EXOSC3: variants seen among roughly 807,000 people sequenced by gnomAD.
EXOSC3 encodes exosome component 3.
Under a neutral mutation model 25.1 loss-of-function variants are expected in EXOSC3, and 18 were observed. The observed-to-expected ratio is 0.72, with a 90% CI of 0.50 to 1.06. The LOEUF (loss-of-function observed/expected upper bound fraction) is 1.06, where lower values mean the gene tolerates loss of function less well. EXOSC3 is among the 50% of genes least tolerant of loss of function. The pLI is 0.00. For synonymous variants in EXOSC3, 165 were observed against 132.2 expected (o/e 1.25, Z -1.70); for missense variants, 382 against 350.9 (o/e 1.09, Z -0.71).
rs1220738136 is a variant in EXOSC3 at position 37,784,968 on chromosome 9, T to C, written c.77A>G (p.Gln26Arg). The C allele has an allele frequency of 1.9e-6, 3 of 1,613,142 alleles. No individual in the cohort carries two copies. Among genetic ancestry groups the C allele is most frequent in the Admixed American group, 1.7e-5 (1 of 59,992 alleles). Reference protein sequence around the residue: ...RARAARTVLGQVVLPGEELLL... With the variant: ...RARAARTVLGRVVLPGEELLL... ...CAGCTCCTCACCCGGGAGCACCACC[T>C]GACCTAGTACTGTGCGTGCAGCGCG... Residue 26 changes from glutamine to arginine, a missense_variant, in exon 1 of 4, where the codon CAG (glutamine) becomes CGG (arginine). Gln to Arg is a conservative substitution (Grantham distance 43). Coordinates refer to ENST00000327304, the MANE Select transcript of EXOSC3 (RefSeq NM_016042.4).
chr9:37,783,823 C>T (rs1828643338), intron 2 of EXOSC3, 91 bp downstream of exon 2: 4 of 1,423,036 alleles, frequency 2.8e-6, no homozygotes, highest in South Asian at 1.4e-5. Flanking sequence ...CTAGGTCATG[C>T]TTTGGAGACA....
At chr9:37,784,207 C>T (rs778399302) in intron 1 of EXOSC3, 144 bp from the exon 2 acceptor site, 2 of 892,008 alleles carry the variant, frequency 2.2e-6, no homozygotes, top group Non-Finnish European at 1.6e-6. Context: ...AAAATCACTT[C>T]ATAAAGTGCC....
At chr9:37,784,571 G>A in intron 1 of EXOSC3, 150 bp downstream of exon 1, 5 of 854,050 alleles carry the variant, frequency 5.9e-6, no homozygotes, top group Non-Finnish European at 8.8e-6. Context: ...TCCCTCTAAA[G>A]GACATGCAGA....
At position 37,785,024 on chromosome 9, in the gene EXOSC3, G is replaced by T. The variant is rs748194453; in HGVS notation, c.21C>A (p.Val7=). 5 of 1,600,564 alleles carry T rather than the reference G, an allele frequency of 3.1e-6. No individual in the cohort carries two copies. The South Asian group carries it at 3.3e-5, about 11-fold the overall frequency. Residue 7 remains valine, a synonymous_variant, in exon 1 of 4, where the codon GTC becomes GTA. Transcript: ENST00000327304. ...TGCTGCCCGCGAGAGATTCAGCCGC[G>T]ACAGACGCAGGTTCGGCCATCGCGG... The part of the protein sequence containing the change: MAEPAS[V]AAESLAGSRA...
At chr9:37,781,725 A>T (rs76964682) in intron 3 of EXOSC3, 5 of 380,512 alleles carry the variant, frequency 1.3e-5, no homozygotes, top group Non-Finnish European at 2.3e-5. Flanking sequence ...CTGGGAAGGA[A>T]GATATGAATA....
intron 3 of EXOSC3, among the ~76,000 whole-genome samples, chr9:37,781,606 G>GA (rs1194118698): frequency 6.6e-6 from 1 of 151,924 alleles, no homozygotes; most frequent in Non-Finnish European, 1.5e-5. Flanking sequence ...CCCATAATTA[G>GA]AAAAAATTGA....
chr9:37,781,121 A>G lies in EXOSC3; in HGVS notation c.627-241T>C, dbSNP rs73649213. On this transcript the variant is annotated intron_variant, in intron 3 of 3. Transcript: ENST00000327304. The stretch of plus-strand genomic sequence containing the variant: ...AGAAATCAAACTCCCTAGGTTACCA[A>G]CTTTGTAAAAGTCATTCCCCTAGAT... Among the ~76,000 whole-genome samples the G allele has an allele frequency of 0.026, 3,977 of 152,210 alleles. 184 individuals carry two copies. The highest frequency in any genetic ancestry group is 0.091 in the African/African-American group (3,790 of 41,508).
rs1200553521 is a variant in EXOSC3 at position 37,782,121 on chromosome 9, T to C, written c.491A>G (p.Tyr164Cys). 6 of 1,613,878 alleles carry C rather than the reference T, an allele frequency of 3.7e-6. No individual in the cohort carries two copies. Among genetic ancestry groups the C allele is most frequent in the East Asian group, 2.2e-5 (1 of 44,886 alleles). Residue 164 changes from tyrosine (Y) to cysteine (C), a missense_variant, in exon 3 of 4, where the codon TAT (tyrosine) becomes TGT (cysteine). Physicochemically the swap from Tyr to Cys is radical, Grantham distance 194. Coordinates refer to ENST00000327304, the MANE Select transcript of EXOSC3 (RefSeq NM_016042.4). ...RPNVQVGDLIYGQFVVANKDM... is the reference protein window; with the variant it reads ...RPNVQVGDLICGQFVVANKDM... ...TTTATTAGCAACCACAAACTGGCCA[T>C]AGATGAGATCTCCAACCTACAATGA... is the stretch of plus-strand genomic sequence containing the variant.
intron 2 of EXOSC3, among the ~76,000 whole-genome samples, chr9:37,783,594 A>G (rs933941812): frequency 1.3e-5 from 2 of 152,216 alleles, no homozygotes; most frequent in African/African-American, 2.4e-5. Context: ...CTAAGCCTAC[A>G]GCAGACATCC....
chr9:37,780,515 TC>T lies in EXOSC3; in HGVS notation c.*163del, dbSNP rs1828560878. On this transcript the variant is annotated 3_prime_UTR_variant, in exon 4 of 4. Transcript: ENST00000327304. ...AAAATGATTTTGCAATGATTTTCTC[TC>T]CCACAAAAGCGTGGGTGAAAACCAG... 1.5e-5 allele frequency: 9 copies of T among 610,920 alleles called. No homozygotes were observed. The South Asian group carries it at 1.5e-4, about 10-fold the overall frequency. 37.8% of individuals were successfully genotyped at this position (610,920 alleles called of 1,614,324 possible). A position where few individuals can be genotyped will look rare whatever the true frequency, so the allele number is the denominator to read the frequency against.
intron 3 of EXOSC3, 85 bp from the exon 4 acceptor site, chr9:37,780,965 G>T: frequency 1.7e-6 from 2 of 1,186,644 alleles, no homozygotes; most frequent in East Asian, 2.5e-5. Flanking sequence ...TTCCTTTTCT[G>T]AGCAGTTCTC....
intron 2 of EXOSC3, among the ~76,000 whole-genome samples, chr9:37,783,469 A>C (rs185079062): frequency 6.6e-6 from 1 of 152,332 alleles, no homozygotes; most frequent in Non-Finnish European, 1.5e-5. Context: ...ATGCTACCTG[A>C]AAAGCTCAAA....
At chr9:37,781,606 G>A (rs1456115730) in intron 3 of EXOSC3, among the ~76,000 whole-genome samples, 1 of 151,924 alleles carries the variant, frequency 6.6e-6, no homozygotes, top group East Asian at 1.9e-4. Flanking sequence ...CCCATAATTA[G>A]AAAAAATTGA....
In EXOSC3 at chr9:37,780,616, A is replaced by C. The variant is rs753180747; in HGVS notation, c.*63T>G. Reference sequence around the variant, plus strand: ...TATCTTCTGAGTATTTAAATGGGGGAGGTTCACCTGAAAAAACCCATAGTT... The same window carrying C: ...TATCTTCTGAGTATTTAAATGGGGGCGGTTCACCTGAAAAAACCCATAGTT... On this transcript the variant is annotated 3_prime_UTR_variant, in exon 4 of 4. Coordinates refer to ENST00000327304, the MANE Select transcript of EXOSC3 (RefSeq NM_016042.4). 1.4e-4 allele frequency: 176 copies of C among 1,238,548 alleles called. 1 individual carries two copies. Among genetic ancestry groups the C allele is most frequent in the Admixed American group, 2.9e-4 (16 of 56,054 alleles). 76.7% of individuals were successfully genotyped at this position (1,238,548 alleles called of 1,614,324 possible).
At chr9:37,784,626 G>A in intron 1 of EXOSC3, 95 bp downstream of exon 1, 3 of 1,353,796 alleles carry the variant, frequency 2.2e-6, no homozygotes, top group Non-Finnish European at 2.9e-6. Flanking sequence ...CTGAACAAAA[G>A]AGGGCCTCAG....
At chr9:37,784,442 C>CT in intron 1 of EXOSC3, 1 of 534,772 alleles carries the variant, frequency 1.9e-6, no homozygotes, top group Non-Finnish European at 3.3e-6. Flanking sequence ...GTCCTGCCCT[C>CT]TGAGACTCCA....
At chr9:37,784,120 A>T in intron 1 of EXOSC3, 57 bp from the exon 2 acceptor site, 4 of 1,552,220 alleles carry the variant, frequency 2.6e-6, no homozygotes. Context: ...CCATTGGAAG[A>T]TACCTTCAGC....
intron 2 of EXOSC3, among the ~76,000 whole-genome samples, chr9:37,782,358 C>A (rs527405670): frequency 6.6e-6 from 1 of 152,312 alleles, no homozygotes; most frequent in Non-Finnish European, 1.5e-5. Flanking sequence ...AGACGAGGAG[C>A]CATCTCAAGG....
At position 37,784,852 on chromosome 9, in the gene EXOSC3, C is replaced by T. The variant is rs62640002; in HGVS notation, c.193G>A (p.Val65Ile). The T allele has an allele frequency of 3.8e-4, 616 of 1,608,008 alleles. 3 individuals are homozygous for T. In the African/African-American group the frequency reaches 7.1e-3, roughly 19 times the overall value. The change falls in exon 1 of 4, where the codon GTT becomes ATT. Residue 65 changes from valine (V) to isoleucine (I), a missense_variant. Physicochemically the swap from Val to Ile is conservative, Grantham distance 29 (BLOSUM62 3). Transcript: ENST00000327304. ...LNARACSRVR[V>I]VCGPGLRRCG... The stretch of plus-strand genomic sequence containing the variant: ...CGCCGAAGGCCCGGACCGCATACAA[C>T]GCGCACCCGCGAGCACGCTCTAGCA...
Sources: allele counts gnomAD v4.1 joint callset (sites outside exome capture counted in the v4.1 genomes callset), GRCh38; gene constraint gnomAD v4.1.1; transcripts MANE v1.5; gene names NCBI Gene and HGNC (gene_info 2026-07-23, HGNC 2026-07-21).